FASTKD3: variants seen among roughly 807,000 people sequenced by gnomAD.
FASTKD3 encodes the protein FAST kinase domain-containing protein 3, mitochondrial.
A neutral mutation model predicts 49.7 loss-of-function variants in FASTKD3; 47 were observed. The observed-to-expected ratio is 0.95, with a 90% CI of 0.75 to 1.21. The LOEUF is 1.21. FASTKD3 is among the 50% of genes most tolerant of loss of function. The pLI is 0.00. For synonymous variants in FASTKD3, 284 were observed against 288.6 expected (o/e 0.98, Z 0.16); for missense variants, 748 against 765.7 (o/e 0.98, Z 0.27).
Position 7,867,921 on chromosome 5 carries a change from C to A in FASTKD3, c.163G>T (p.Val55Phe), listed in dbSNP as rs140095335. 63 of 1,614,072 alleles carry A rather than the reference C, an allele frequency of 3.9e-5. No homozygotes were observed. The African/African-American group carries it at 7.2e-4, about 18-fold the overall frequency. ...TTACAATGGGCATGATGGAATTTGA[C>A]CCCGAAAGGCTCAGGTTGTCGTGAA... ...LCSRQPEPFGVKFHHAHCKKF... is the reference protein window; with the variant it reads ...LCSRQPEPFGFKFHHAHCKKF... Residue 55 changes from valine (V) to phenylalanine (F), a missense_variant, in exon 2 of 7, where the codon GTC becomes TTC. Val to Phe is a conservative substitution (Grantham distance 50, BLOSUM62 -1). This residue lies in a region of FASTKD3 where 564 missense variants were observed against 562.8 expected (regional missense o/e 1.00). Transcript: ENST00000264669.
At position 7,859,294 on chromosome 5, in the gene FASTKD3, A is replaced by G; in HGVS notation, c.*141T>C. On this transcript the variant is annotated 3_prime_UTR_variant, in exon 7 of 7. Transcript: ENST00000264669. ...TTACCACAATAAATGTATACATAGT[A>G]TAAGGAAAACTACAGATGCTTTCAG... 1 of 480,094 alleles carries G rather than the reference A, an allele frequency of 2.1e-6. No individual in the cohort carries two copies. 29.7% of individuals were successfully genotyped at this position (480,094 alleles called of 1,614,324 possible).
In FASTKD3 at chr5:7,867,923, C is replaced by T; in HGVS notation, c.161G>A (p.Gly54Glu). The T allele has an allele frequency of 6.2e-7, 1 of 1,614,056 alleles. No homozygotes were observed. Among genetic ancestry groups the T allele is most frequent in the Non-Finnish European group, 8.5e-7 (1 of 1,180,016 alleles). The change falls in exon 2 of 7, where the codon GGG (glycine) becomes GAG (glutamate). Residue 54 changes from glycine to glutamate, a missense_variant. Physicochemically the swap from Gly to Glu is moderately conservative, Grantham distance 98. Coordinates refer to ENST00000264669, the MANE Select transcript of FASTKD3 (RefSeq NM_024091.4). ...WLCSRQPEPF[G>E]VKFHHAHCKK... ...ACAATGGGCATGATGGAATTTGACC[C>T]CGAAAGGCTCAGGTTGTCGTGAACA...
chr5:7,860,131 T>C (rs1746430639), intron 6 of FASTKD3, among the ~76,000 whole-genome samples: 1 of 152,188 alleles, frequency 6.6e-6, no homozygotes, highest in Admixed American at 6.5e-5. Context: ...GTTTTTACTT[T>C]ATTCTGTAAG....
At chr5:7,861,461 G>T in intron 5 of FASTKD3, 122 bp downstream of exon 5, 1 of 706,718 alleles carries the variant, frequency 1.4e-6, no homozygotes, top group South Asian at 3.4e-5. Context: ...ATGGTATTCT[G>T]AAATGTAGTA....
intron 3 of FASTKD3, among the ~76,000 whole-genome samples, chr5:7,864,211 T>C (rs1049925627): frequency 6.6e-6 from 1 of 152,200 alleles, no homozygotes; most frequent in Non-Finnish European, 1.5e-5. Flanking sequence ...GTAATACACA[T>C]GTTAATTGGT....
chr5:7,867,333 A>C lies in FASTKD3; in HGVS notation c.751T>G (p.Phe251Val). The part of the protein sequence containing the change: ...NQLQGEKLET[F>V]TPEDIVALYR... The stretch of plus-strand genomic sequence containing the variant: ...AGGGCCACAATATCCTCCGGGGTAA[A>C]TGTTTCCAATTTTTCACCTTGAAGT... The change falls in exon 2 of 7, where the codon TTT (phenylalanine) becomes GTT (valine). Residue 251 changes from phenylalanine to valine, a missense_variant. By Grantham distance (50) the Phe-to-Val change is conservative. Transcript: ENST00000264669. 1 of 1,614,036 alleles carries C rather than the reference A, an allele frequency of 6.2e-7. No homozygotes were observed. Among genetic ancestry groups the C allele is most frequent in the Non-Finnish European group, 8.5e-7 (1 of 1,180,024 alleles).
At position 7,867,449 on chromosome 5, in the gene FASTKD3, C is replaced by T; in HGVS notation, c.635G>A (p.Gly212Asp). Residue 212 changes from glycine (G) to aspartate (D), a missense_variant, in exon 2 of 7, where the codon GGC (glycine) becomes GAC (aspartate). Coordinates refer to ENST00000264669, the MANE Select transcript of FASTKD3 (RefSeq NM_024091.4). Reference sequence around the variant, plus strand: ...AATACAAAGATTGCGAACTTCCATGCCACCTTTTCTGAGACGATTTTGGCA... The same window carrying T: ...AATACAAAGATTGCGAACTTCCATGTCACCTTTTCTGAGACGATTTTGGCA... ...AECQNRLRKGGMEVRNLCILG... is the reference protein window; with the variant it reads ...AECQNRLRKGDMEVRNLCILG... 6.2e-7 allele frequency: 1 copy of T among 1,614,200 alleles called. No homozygotes were observed. Among genetic ancestry groups the T allele is most frequent in the African/African-American group, 1.3e-5 (1 of 75,058 alleles).
chr5:7,861,237 T>G lies in FASTKD3; in HGVS notation c.1796A>C (p.Lys599Thr). 6.2e-7 allele frequency: 1 copy of G among 1,611,334 alleles called. No individual in the cohort carries two copies. The highest frequency in any genetic ancestry group is 1.1e-5 in the South Asian group (1 of 90,734). ...KRIALCIDGP[K>T]RFCSNSKHLL... ...GTGTTTGCTATTGGAGCAAAACCTT[T>G]TTGGACCATCAATACACAGTGCTAT... Residue 599 changes from lysine (K) to threonine (T), a missense_variant, in exon 6 of 7, where the codon AAA (lysine) becomes ACA (threonine). Around this residue, in one of 3 missense-constraint regions of FASTKD3, gnomAD observed 178 missense variants for 182.2 expected, o/e 0.98. Transcript: ENST00000264669.
intron 3 of FASTKD3, chr5:7,863,200 CT>C: frequency 1.8e-6 from 1 of 549,974 alleles, no homozygotes; most frequent in South Asian, 2.3e-5. Context: ...TTCAAAATGT[CT>C]TTTATATGTG....
At chr5:7,860,099 T>G (rs796325426) in intron 6 of FASTKD3, among the ~76,000 whole-genome samples, 29 of 152,334 alleles carry the variant, frequency 1.9e-4, no homozygotes, top group African/African-American at 6.7e-4. Context: ...TTGGAGGGTC[T>G]TGAATGTTAA....
At chr5:7,868,782 C>T (rs983615522) in intron 1 of FASTKD3, among the ~76,000 whole-genome samples, 197 bp downstream of exon 1, 2 of 152,198 alleles carry the variant, frequency 1.3e-5, no homozygotes, top group African/African-American at 4.8e-5. Context: ...CACGTGTGTG[C>T]AAGACAGACA....
At chr5:7,868,762 G>T (rs1747269555) in intron 1 of FASTKD3, among the ~76,000 whole-genome samples, 2 of 152,168 alleles carry the variant, frequency 1.3e-5, no homozygotes, top group South Asian at 2.1e-4. Flanking sequence ...GGTGCGGGGG[G>T]ATTTGGCAAC....
At position 7,866,874 on chromosome 5, in the gene FASTKD3, A is replaced by C. The variant is rs1746995029; in HGVS notation, c.1210T>G (p.Ser404Ala). The change falls in exon 2 of 7, where the codon TCA becomes GCA. Residue 404 changes from serine to alanine, a missense_variant. Physicochemically the swap from Ser to Ala is moderately conservative, Grantham distance 99. This residue lies in a region of FASTKD3 where 564 missense variants were observed against 562.8 expected (regional missense o/e 1.00). Transcript: ENST00000264669. ...ETFVCQTEKF[S>A]PRQISALMEP... The stretch of plus-strand genomic sequence containing the variant: ...ATTAAGGCAGAAATCTGACGAGGTG[A>C]AAATTTTTCTGTTTGGCAAACAAAA... The C allele has an allele frequency of 6.2e-7, 1 of 1,614,100 alleles. No individual in the cohort carries two copies. Among genetic ancestry groups the C allele is most frequent in the Non-Finnish European group, 8.5e-7 (1 of 1,180,014 alleles).
rs765139932 is a variant in FASTKD3 at position 7,868,008 on chromosome 5, T to C, written c.76A>G (p.Lys26Glu). Residue 26 changes from lysine (K) to glutamate (E), a missense_variant, in exon 2 of 7, where the codon AAA becomes GAA. Lys to Glu is a moderately conservative substitution (Grantham distance 56). Coordinates refer to ENST00000264669, the MANE Select transcript of FASTKD3 (RefSeq NM_024091.4). ...TGAACATGATTTAGAGGTTTATTTT[T>C]TAAAGCAGCCAGAGCTCTATGCATC... ...FQMHRALAAL[K>E]NKPLNHVHKV... is the part of the protein sequence containing the mutation. 6.2e-7 allele frequency: 1 copy of C among 1,614,060 alleles called. No individual in the cohort carries two copies. Among genetic ancestry groups the C allele is most frequent in the Non-Finnish European group, 8.5e-7 (1 of 1,180,032 alleles).
At chr5:7,866,461 C>A (rs553253428) in intron 2 of FASTKD3, among the ~76,000 whole-genome samples, 185 bp downstream of exon 2, 3 of 152,278 alleles carry the variant, frequency 2.0e-5, no homozygotes, top group African/African-American at 7.2e-5. Context: ...AGCTTTCTTC[C>A]CTCTACATGA....
At chr5:7,861,545 G>C in intron 5 of FASTKD3, 38 bp downstream of exon 5, 1 of 1,405,924 alleles carries the variant, frequency 7.1e-7, no homozygotes, top group Non-Finnish European at 9.5e-7. Context: ...TAGCCTCAAC[G>C]AGTCTTGTAA....
chr5:7,868,782 C>A (rs983615522), intron 1 of FASTKD3, among the ~76,000 whole-genome samples, 197 bp downstream of exon 1: 2 of 152,198 alleles, frequency 1.3e-5, no homozygotes, highest in African/African-American at 4.8e-5. Context: ...CACGTGTGTG[C>A]AAGACAGACA....
Position 7,861,173 on chromosome 5 carries a change from C to A in FASTKD3, c.1860G>T (p.Gln620His), listed in dbSNP as rs1299516341. 6 of 1,610,180 alleles carry A rather than the reference C, an allele frequency of 3.7e-6. No homozygotes were observed. Among genetic ancestry groups the A allele is most frequent in the Middle Eastern group, 1.6e-4 (1 of 6,068 alleles). ...CCTGAACAACTTGATAACCGAGTAA[C>A]TGTAGGTGTCTTTGTTTAATAGCTT... is the stretch of plus-strand genomic sequence containing the variant. ...GKEAIKQRHL[Q>H]LLGYQVVQIP... The change falls in exon 6 of 7, where the codon CAG (glutamine) becomes CAT (histidine). Residue 620 changes from glutamine (Q) to histidine (H), a missense_variant. Gln to His is a conservative substitution (Grantham distance 24, BLOSUM62 0). Around this residue, in one of 3 missense-constraint regions of FASTKD3, gnomAD observed 178 missense variants for 182.2 expected, o/e 0.98. Transcript: ENST00000264669.
chr5:7,861,465 TGTA>T, intron 5 of FASTKD3, 115 bp downstream of exon 5: 1 of 712,142 alleles, frequency 1.4e-6, no homozygotes, highest in Non-Finnish European at 2.1e-6. Context: ...TATTCTGAAA[TGTA>T]GTATTTTAAT....
Sources: allele counts gnomAD v4.1 joint callset (sites outside exome capture counted in the v4.1 genomes callset), GRCh38; gene constraint gnomAD v4.1.1; regional missense constraint gnomAD v4.1.1; transcripts MANE v1.5; gene names NCBI Gene and HGNC (gene_info 2026-07-23, HGNC 2026-07-21).